Variants in CPLX2 observed in about 807,000 individuals in gnomAD.
The protein encoded by CPLX2 is complexin 2, also known as complexin-2.
In CPLX2, 5 loss-of-function variants were observed where a neutral mutation model predicts 16.3. That is an observed-to-expected ratio of 0.31 (90% CI 0.16 to 0.64). CPLX2 has a LOEUF of 0.64. Ranked by LOEUF, CPLX2 falls within the 30% of genes least tolerant of loss-of-function variation. The pLI, the probability that CPLX2 is intolerant of heterozygous loss-of-function variation, is 0.79. For missense variants in CPLX2, 144 were observed against 181.4 expected, an observed-to-expected ratio of 0.79 and a Z score of 1.18; for synonymous variants, 89 against 73.2, an observed-to-expected ratio of 1.22 and a Z score of -1.10.
At chr5:175,858,014 G>C (rs1313629572) in intron 2 of CPLX2, among the ~76,000 whole-genome samples, 1 of 152,236 alleles carries the variant, frequency 6.6e-6, no homozygotes, top group Non-Finnish European at 1.5e-5. Flanking sequence ...CAACGTGCCT[G>C]CAAGGAAAGT....
upstream of CPLX2, chr5:175,871,349 G>A (rs1424795526): frequency 6.9e-6 from 1 of 144,306 alleles, no homozygotes; most frequent in Non-Finnish European, 1.5e-5. Context: ...GGAGACGGGA[G>A]GGAGGGAGAG....
chr5:175,848,809 G>A (rs1581090502), intron 2 of CPLX2, among the ~76,000 whole-genome samples: 1 of 152,192 alleles, frequency 6.6e-6, no homozygotes, highest in South Asian at 2.1e-4. Flanking sequence ...GAAGGAGCCT[G>A]CCAGGCAAAG....
At position 175,830,344 on chromosome 5, in the gene CPLX2, C is replaced by A. The variant is rs753639408; in HGVS notation, c.-89+21276C>A. On this transcript the variant is annotated intron_variant, in intron 2 of 4. Coordinates refer to the CPLX2 transcript ENST00000359546. The surrounding 1 kb of genome is among the most constrained non-coding windows in gnomAD (Gnocchi z 4.0). ...TTTTTCAGCTGAAATCATTGATGCT[C>A]AGACATGAAGCAACTTGCCCAGGGT... Among the ~76,000 whole-genome samples the A allele has an allele frequency of 1.8e-4, 28 of 152,184 alleles. No homozygotes were observed. The highest frequency in any genetic ancestry group is 3.7e-4 in the Non-Finnish European group (25 of 68,038).
chr5:175,876,764 T>C (rs912739540), intron 1 of CPLX2, among the ~76,000 whole-genome samples: 1 of 152,232 alleles, frequency 6.6e-6, no homozygotes, highest in Non-Finnish European at 1.5e-5. Flanking sequence ...TTGAGCTCTA[T>C]GTAAACACAG....
At chr5:175,803,930 C>CG (rs1287295618) in intron 1 of CPLX2, among the ~76,000 whole-genome samples, 1 of 152,158 alleles carries the variant, frequency 6.6e-6, no homozygotes, top group African/African-American at 2.4e-5. Context: ...CAGTGCCTTG[C>CG]GGGCAGCATC....
chr5:175,806,362 T>G (rs1269973565), intron 1 of CPLX2, among the ~76,000 whole-genome samples: 1 of 152,150 alleles, frequency 6.6e-6, no homozygotes, highest in Non-Finnish European at 1.5e-5. Context: ...CAGACTCACC[T>G]TTTCAGAGAA....
intron 2 of CPLX2, among the ~76,000 whole-genome samples, chr5:175,823,282 T>C (rs2113647606): frequency 6.6e-6 from 1 of 152,094 alleles, no homozygotes; most frequent in East Asian, 1.9e-4. Context: ...GATGGAGGGA[T>C]GGATGGATGG....
At chr5:175,843,502 TACTC>T (rs1758984857) in intron 2 of CPLX2, among the ~76,000 whole-genome samples, 1 of 152,200 alleles carries the variant, frequency 6.6e-6, no homozygotes, top group African/African-American at 2.4e-5. Context: ...CGCACACACA[TACTC>T]ACCAAGGCAC....
chr5:175,851,646 G>A (rs968887494), intron 2 of CPLX2, among the ~76,000 whole-genome samples: 1 of 152,252 alleles, frequency 6.6e-6, no homozygotes, highest in Non-Finnish European at 1.5e-5. Flanking sequence ...CCTTATGCCA[G>A]CCATGGGGGC....
At chr5:175,799,646 GT>G (rs1758056820) in intron 1 of CPLX2, among the ~76,000 whole-genome samples, 1 of 147,020 alleles carries the variant, frequency 6.8e-6, no homozygotes, top group African/African-American at 2.5e-5. Context: ...CTCCCAAGTG[GT>G]TAGGACTACA....
intron 2 of CPLX2, among the ~76,000 whole-genome samples, chr5:175,834,491 C>G (rs542828482): frequency 2.0e-5 from 3 of 152,076 alleles, no homozygotes; most frequent in African/African-American, 7.2e-5. Flanking sequence ...TTCAACGTAA[C>G]GCAATTCATG....
chr5:175,799,131 AT>A (rs1342573034), intron 1 of CPLX2, among the ~76,000 whole-genome samples: 14 of 152,362 alleles, frequency 9.2e-5, no homozygotes, highest in African/African-American at 3.4e-4. Flanking sequence ...AGAATTGTTC[AT>A]GTCCACTACC....
chr5:175,804,742 C>T (rs1001552495), intron 1 of CPLX2, among the ~76,000 whole-genome samples: 5 of 152,150 alleles, frequency 3.3e-5, no homozygotes, highest in African/African-American at 9.7e-5. Flanking sequence ...TTGACACACA[C>T]GTTTAAGTCT....
chr5:175,798,506 A>C (rs2113618072), intron 1 of CPLX2, among the ~76,000 whole-genome samples: 1 of 152,288 alleles, frequency 6.6e-6, no homozygotes, highest in African/African-American at 2.4e-5. Flanking sequence ...GGAGTCACGA[A>C]CTGTAAGGAA....
chr5:175,843,340 T>A (rs1375479520), intron 2 of CPLX2, among the ~76,000 whole-genome samples: 1 of 152,166 alleles, frequency 6.6e-6, no homozygotes, highest in Non-Finnish European at 1.5e-5. Context: ...CACACTGTGG[T>A]CTCACGCATG....
chr5:175,826,868 A>T (rs191405369), intron 2 of CPLX2, among the ~76,000 whole-genome samples: 4 of 152,316 alleles, frequency 2.6e-5, no homozygotes, highest in Admixed American at 2.6e-4. Flanking sequence ...ACTTAAAGTG[A>T]CTTCAGCAAA....
chr5:175,810,332 C>T (rs937667588), intron 2 of CPLX2, among the ~76,000 whole-genome samples: 1 of 152,224 alleles, frequency 6.6e-6, no homozygotes, highest in Non-Finnish European at 1.5e-5. Flanking sequence ...TGCTAAAGCC[C>T]AGACCTTCTG....
In CPLX2 at chr5:175,845,532, A is replaced by G. The variant is rs954844468; in HGVS notation, c.-88-33120A>G. 1.2e-4 allele frequency among the ~76,000 whole-genome samples: 18 copies of G among 152,190 alleles called. No homozygotes were observed. The highest frequency in any genetic ancestry group is 2.9e-5 in the Non-Finnish European group (2 of 68,036). On this transcript the variant is annotated intron_variant, in intron 2 of 4. Coordinates refer to the CPLX2 transcript ENST00000359546. This position sits in a 1 kb window ranked among gnomAD's most constrained non-coding sequence, Gnocchi z 4.0. ...CATGAGGGCCACTCCCCCTAGAGTA[A>G]CTGCCCCCATCTGCGTCACTGTGTG...
chr5:175,836,177 C>G (rs187991293), intron 2 of CPLX2, among the ~76,000 whole-genome samples: 1 of 151,980 alleles, frequency 6.6e-6, no homozygotes, highest in East Asian at 1.9e-4. Flanking sequence ...GGTGAAACCC[C>G]GTCTCTACTA....
Sources: allele counts gnomAD v4.1 joint callset (sites outside exome capture counted in the v4.1 genomes callset), GRCh38; gene constraint gnomAD v4.1.1; non-coding constraint Gnocchi (gnomAD v3.1); transcripts MANE v1.5; gene names NCBI Gene and HGNC (gene_info 2026-07-23, HGNC 2026-07-21).